Variants in EXT1 observed in about 807,000 individuals in gnomAD.
EXT1 encodes exostosin glycosyltransferase 1.
A neutral mutation model predicts 82.5 loss-of-function variants in EXT1; 20 were observed. That is an observed-to-expected ratio of 0.24 (90% CI 0.17 to 0.35). The LOEUF (loss-of-function observed/expected upper bound fraction) is 0.35, where lower values mean the gene tolerates loss of function less well. EXT1 is among the 10% of genes least tolerant of loss of function. The probability of loss-of-function intolerance (pLI) is 1.00; values close to 1 mark genes in which losing one functional copy is unlikely to be tolerated. For synonymous variants in EXT1, 348 were observed against 350.8 expected, an observed-to-expected ratio of 0.99 and a Z score of 0.09; for missense variants, 757 against 936.5, an observed-to-expected ratio of 0.81 and a Z score of 2.50.
chr8:118,109,063 A>C (rs73312352), intron 1 of EXT1, among the ~76,000 whole-genome samples: 3,342 of 152,236 alleles, frequency 0.022, 109 homozygotes, highest in African/African-American at 0.076. Context: ...CCTACTAGGA[A>C]ACTGGTCCAC....
At chr8:117,961,707 C>T (rs1371739033) in intron 1 of EXT1, among the ~76,000 whole-genome samples, 1 of 152,150 alleles carries the variant, frequency 6.6e-6, no homozygotes, top group Non-Finnish European at 1.5e-5. Context: ...ATAAGAATTG[C>T]TCTTGCACCC....
chr8:117,983,862 G>A (rs1815258163), intron 1 of EXT1, among the ~76,000 whole-genome samples: 1 of 152,098 alleles, frequency 6.6e-6, no homozygotes, highest in African/African-American at 2.4e-5. Flanking sequence ...TATCAACGTT[G>A]GCTGATTTTG....
rs551426665 is a variant in EXT1 at position 118,005,203 on chromosome 8, C to T, written c.962+104882G>A. On this transcript the variant is annotated intron_variant, in intron 1 of 10. Transcript: ENST00000378204. Reference sequence around the variant, plus strand: ...AGAGACCATCACATGCTTAATGATGCTTCTCATGACTGACAGATATCCCAG... The same window carrying T: ...AGAGACCATCACATGCTTAATGATGTTTCTCATGACTGACAGATATCCCAG... Among the ~76,000 whole-genome samples the T allele has an allele frequency of 9.2e-5, 14 of 152,286 alleles. No individual in the cohort carries two copies. In the East Asian group the frequency reaches 2.7e-3, roughly 29 times the overall value.
intron 7 of EXT1, among the ~76,000 whole-genome samples, chr8:117,816,015 T>G (rs533924763): frequency 1.1e-4 from 17 of 150,928 alleles, no homozygotes; most frequent in East Asian, 1.9e-4. Context: ...TGTGTGTGTG[T>G]GGGGTGGGGA....
At chr8:118,039,639 G>A (rs1816492762) in intron 1 of EXT1, among the ~76,000 whole-genome samples, 1 of 150,556 alleles carries the variant, frequency 6.6e-6, no homozygotes, top group Non-Finnish European at 1.5e-5. Context: ...CATGCCAGAA[G>A]AGTGAAAATT....
chr8:117,879,748 A>G (rs1279099853), intron 1 of EXT1, among the ~76,000 whole-genome samples: 1 of 152,178 alleles, frequency 6.6e-6, no homozygotes, highest in African/African-American at 2.4e-5. Context: ...CCCAAAACAC[A>G]AAAGAGAACT....
At position 118,110,951 on chromosome 8, in the gene EXT1, C is replaced by A; in HGVS notation, c.96G>T (p.Arg32Ser). 6.2e-7 allele frequency: 1 copy of A among 1,613,108 alleles called. No individual in the cohort carries two copies. Among genetic ancestry groups the A allele is most frequent in the Non-Finnish European group, 8.5e-7 (1 of 1,180,044 alleles). Reference sequence around the variant, plus strand: ...TGTGTTCTTCTCTCCGGCTGTGGCTCCTCGATGCCCTAAACTGCAAGCCTC... The same window carrying A: ...TGTGTTCTTCTCTCCGGCTGTGGCTACTCGATGCCCTAAACTGCAAGCCTC... ...YFGGLQFRAS[R>S]SHSRREEHSG... The change falls in exon 1 of 11, where the codon AGG becomes AGT. Residue 32 changes from arginine to serine, a missense_variant. Physicochemically the swap from Arg to Ser is moderately radical, Grantham distance 110 (BLOSUM62 -1). This residue lies in a region of EXT1 where 175 missense variants were observed against 159.0 expected (regional missense o/e 1.10). Coordinates refer to ENST00000378204, the MANE Select transcript of EXT1 (RefSeq NM_000127.3).
chr8:117,904,605 C>T (rs1192362242), intron 1 of EXT1, among the ~76,000 whole-genome samples: 3 of 152,166 alleles, frequency 2.0e-5, no homozygotes, highest in Non-Finnish European at 2.9e-5. Context: ...AATTGACACT[C>T]ATGATTCATG....
intron 1 of EXT1, among the ~76,000 whole-genome samples, chr8:117,925,817 G>C (rs554681975): frequency 3.0e-4 from 45 of 151,972 alleles, no homozygotes; most frequent in Non-Finnish European, 5.7e-4. Flanking sequence ...AGGATCACTT[G>C]AGCCCAGGAG....
chr8:117,802,443 A>G (rs1823183163), intron 10 of EXT1, among the ~76,000 whole-genome samples: 1 of 152,200 alleles, frequency 6.6e-6, no homozygotes, highest in Non-Finnish European at 1.5e-5. Flanking sequence ...CCATATTTTT[A>G]TTGTACCTTT....
intron 1 of EXT1, among the ~76,000 whole-genome samples, chr8:118,075,952 A>G (rs960534915): frequency 5.3e-5 from 8 of 152,214 alleles, no homozygotes; most frequent in Admixed American, 2.0e-4. Flanking sequence ...ACATCTCAAC[A>G]TGAGATTTAA....
chr8:117,821,939 A>C (rs1486198649), intron 5 of EXT1, among the ~76,000 whole-genome samples: 2 of 152,186 alleles, frequency 1.3e-5, no homozygotes, highest in African/African-American at 4.8e-5. Flanking sequence ...ATTGTATCTT[A>C]TTTGACTTTT....
chr8:117,981,583 A>G (rs958082125), intron 1 of EXT1, among the ~76,000 whole-genome samples: 1 of 152,192 alleles, frequency 6.6e-6, no homozygotes, highest in Admixed American at 6.5e-5. Flanking sequence ...TCTGCTGGGC[A>G]TGGTGGCTCA....
Position 117,850,387 on chromosome 8 carries a change from T to G in EXT1, c.963-13186A>C, listed in dbSNP as rs117681899. On this transcript the variant is annotated intron_variant, in intron 1 of 10. Transcript: ENST00000378204. ...CCTCAGGATTAAGGCTAAGCAAAAT[T>G]TAGGGATAATCTTTATGGAAAGTTA... Among the ~76,000 whole-genome samples, 241 of 152,312 alleles carry G rather than the reference T, an allele frequency of 1.6e-3. 7 individuals are homozygous for G. The East Asian group carries it at 0.04, about 25-fold the overall frequency.
intron 1 of EXT1, among the ~76,000 whole-genome samples, chr8:118,052,891 T>C (rs1372865965): frequency 2.0e-5 from 3 of 152,196 alleles, no homozygotes; most frequent in Non-Finnish European, 4.4e-5. Context: ...ACCTCCTTTG[T>C]GTGCTTGGAA....
intron 1 of EXT1, among the ~76,000 whole-genome samples, chr8:118,074,958 C>A (rs1817180686): frequency 6.6e-6 from 1 of 152,164 alleles, no homozygotes; most frequent in Non-Finnish European, 1.5e-5. Context: ...TTTATTCAGA[C>A]CCGTGCCAGT....
chr8:117,992,722 C>T (rs755954616), intron 1 of EXT1, among the ~76,000 whole-genome samples: 6 of 152,166 alleles, frequency 3.9e-5, no homozygotes, highest in Non-Finnish European at 5.9e-5. Flanking sequence ...CAGATAACCA[C>T]TCAAAGGGAG....
intron 1 of EXT1, among the ~76,000 whole-genome samples, chr8:118,017,845 T>C (rs1407621953): frequency 6.6e-6 from 1 of 152,182 alleles, no homozygotes; most frequent in Non-Finnish European, 1.5e-5. Flanking sequence ...CCACCTGATG[T>C]GGAAGGCATC....
chr8:117,887,897 C>A (rs971254902), intron 1 of EXT1, among the ~76,000 whole-genome samples: 8 of 151,576 alleles, frequency 5.3e-5, no homozygotes, highest in African/African-American at 1.7e-4. Context: ...ACCTGCCTGA[C>A]CAACATGGAG....
Sources: allele counts gnomAD v4.1 joint callset (sites outside exome capture counted in the v4.1 genomes callset), GRCh38; gene constraint gnomAD v4.1.1; regional missense constraint gnomAD v4.1.1; transcripts MANE v1.5; gene names NCBI Gene and HGNC (gene_info 2026-07-23, HGNC 2026-07-21).